The following NELL1 variants were observed in gnomAD, a reference collection of about 807,000 sequenced individuals.
NELL1 encodes neural EGFL like 1.
Under a neutral mutation model 107.4 loss-of-function variants are expected in NELL1, and 76 were observed. The ratio of observed to expected loss-of-function variants is 0.71; its 90% CI spans 0.59 to 0.86. The LOEUF is 0.86. Among genes scored for constraint, NELL1 ranks in the 40% least tolerant of loss-of-function variants. The pLI is 0.00. For synonymous variants in NELL1, 353 were observed against 341.2 expected (o/e 1.03, Z -0.38); for missense variants, 1,024 against 1,005.5 (o/e 1.02, Z -0.25).
intron 5 of NELL1, among the ~76,000 whole-genome samples, chr11:20,893,258 G>C (rs551061276): frequency 1.6e-4 from 25 of 151,982 alleles, no homozygotes; most frequent in Admixed American, 2.6e-4. Flanking sequence ...GGGCCTGTTG[G>C]GGGGTGAGGG....
intron 17 of NELL1, among the ~76,000 whole-genome samples, chr11:21,566,241 C>A (rs1042157624): frequency 6.6e-6 from 1 of 151,956 alleles, no homozygotes; most frequent in South Asian, 2.1e-4. Context: ...CAGAAATAAT[C>A]TGACCTACGT....
chr11:21,436,331 G>T (rs531524351), intron 15 of NELL1, among the ~76,000 whole-genome samples: 2 of 152,246 alleles, frequency 1.3e-5, no homozygotes, highest in South Asian at 2.1e-4. Flanking sequence ...GGGATTACAG[G>T]CATGAACCAC....
intron 12 of NELL1, among the ~76,000 whole-genome samples, chr11:21,025,828 A>G (rs1189699814): frequency 6.6e-6 from 1 of 152,158 alleles, no homozygotes; most frequent in Non-Finnish European, 1.5e-5. Flanking sequence ...AGCTCCAGTT[A>G]TTCCCCAACA....
chr11:21,100,737 T>C (rs772732541), intron 12 of NELL1, among the ~76,000 whole-genome samples: 10 of 152,220 alleles, frequency 6.6e-5, no homozygotes, highest in African/African-American at 9.6e-5. Flanking sequence ...TGCTATACCA[T>C]AGCAGCTTTG....
intron 13 of NELL1, among the ~76,000 whole-genome samples, chr11:21,155,025 C>G (rs182971890): frequency 3.6e-4 from 55 of 152,126 alleles, no homozygotes; most frequent in Admixed American, 1.3e-4. Context: ...GAATGCATTA[C>G]TTCTGGTAAG....
intron 2 of NELL1, among the ~76,000 whole-genome samples, chr11:20,689,289 T>A (rs138741475): frequency 0.042 from 6,403 of 151,692 alleles, 445 homozygotes; most frequent in African/African-American, 0.15. Flanking sequence ...TTTTTTATTT[T>A]TTATTATTAT....
chr11:21,562,171 G>A lies in NELL1; in HGVS notation c.1980+1789G>A, dbSNP rs533373637. 2.6e-5 allele frequency among the ~76,000 whole-genome samples: 4 copies of A among 151,994 alleles called. No homozygotes were observed. The South Asian group carries it at 8.3e-4, about 32-fold the overall frequency. On this transcript the variant is annotated intron_variant, in intron 17 of 19. Transcript: ENST00000357134. Reference sequence around the variant, plus strand: ...TTTTATTTAAGCCATGATGAAGCAGGGAACTTACTAATCATTGAAAATTTC... The same window carrying A: ...TTTTATTTAAGCCATGATGAAGCAGAGAACTTACTAATCATTGAAAATTTC...
chr11:21,324,535 G>C (rs1163515756), intron 14 of NELL1, among the ~76,000 whole-genome samples: 1 of 152,054 alleles, frequency 6.6e-6, no homozygotes, highest in African/African-American at 2.4e-5. Context: ...AGAAACCCTA[G>C]TGGCAACTTC....
intron 5 of NELL1, among the ~76,000 whole-genome samples, chr11:20,903,976 C>T (rs1849935682): frequency 6.6e-6 from 1 of 152,110 alleles, no homozygotes; most frequent in South Asian, 2.1e-4. Context: ...AAGATTTCAG[C>T]CCATGTTCCT....
chr11:21,315,870 G>T (rs1267050688), intron 14 of NELL1, among the ~76,000 whole-genome samples: 2 of 95,224 alleles, frequency 2.1e-5, no homozygotes, highest in Non-Finnish European at 4.4e-5. Context: ...GTTGGTGGTG[G>T]TGGTGGTGGT....
At chr11:20,840,554 A>G (rs1848603008) in intron 3 of NELL1, among the ~76,000 whole-genome samples, 1 of 152,190 alleles carries the variant, frequency 6.6e-6, no homozygotes. Flanking sequence ...GTTGTCAACT[A>G]AAGCACCTAC....
chr11:21,214,897 T>C (rs1448251102), intron 13 of NELL1, among the ~76,000 whole-genome samples: 1 of 152,168 alleles, frequency 6.6e-6, no homozygotes, highest in Non-Finnish European at 1.5e-5. Context: ...TACACATACA[T>C]AATACATACA....
intron 3 of NELL1, among the ~76,000 whole-genome samples, chr11:20,800,648 T>C (rs879239464): frequency 6.6e-6 from 1 of 152,172 alleles, no homozygotes; most frequent in South Asian, 2.1e-4. Flanking sequence ...TTGTAGGCTG[T>C]CTTGCCAATA....
At chr11:20,828,035 G>A (rs1162624009) in intron 3 of NELL1, among the ~76,000 whole-genome samples, 1 of 151,256 alleles carries the variant, frequency 6.6e-6, no homozygotes, top group Non-Finnish European at 1.5e-5. Context: ...TAGACATAGT[G>A]TCATGGAGCA....
At chr11:21,017,435 T>A (rs1852592624) in intron 12 of NELL1, among the ~76,000 whole-genome samples, 1 of 152,126 alleles carries the variant, frequency 6.6e-6, no homozygotes, top group Non-Finnish European at 1.5e-5. Context: ...CCAGCTTTTG[T>A]GTTCCTAGTT....
At chr11:21,172,914 G>T (rs1239464991) in intron 13 of NELL1, among the ~76,000 whole-genome samples, 1 of 129,504 alleles carries the variant, frequency 7.7e-6, no homozygotes, top group African/African-American at 3.0e-5. Flanking sequence ...TGGCAGGTGT[G>T]TGTCTGTCTG....
intron 15 of NELL1, among the ~76,000 whole-genome samples, chr11:21,529,463 G>A (rs1855943544): frequency 6.6e-6 from 1 of 152,136 alleles, no homozygotes; most frequent in African/African-American, 2.4e-5. Context: ...CTGGCATTCA[G>A]CAAATAGCAG....
intron 12 of NELL1, among the ~76,000 whole-genome samples, chr11:21,043,184 T>C (rs1321253947): frequency 6.6e-6 from 1 of 152,170 alleles, no homozygotes; most frequent in Non-Finnish European, 1.5e-5. Context: ...CTGCTATTCA[T>C]TCACCAACTT....
intron 13 of NELL1, among the ~76,000 whole-genome samples, chr11:21,148,422 T>C (rs1053068503): frequency 6.6e-6 from 1 of 152,152 alleles, no homozygotes; most frequent in African/African-American, 2.4e-5. Flanking sequence ...AGCAGGGTTT[T>C]ATCAGGAAAA....
Sources: gnomAD v4.1 joint callset for allele counts (sites outside exome capture counted in the v4.1 genomes callset) on GRCh38, gnomAD v4.1.1 for gene constraint, MANE v1.5 for transcripts, NCBI Gene and HGNC (gene_info 2026-07-23, HGNC 2026-07-21) for gene names.